Variants in ST8SIA1 observed in about 807,000 individuals in gnomAD.
ST8SIA1 encodes the protein ST8 alpha-N-acetyl-neuraminide alpha-2,8-sialyltransferase 1.
Under a neutral mutation model 35.9 loss-of-function variants are expected in ST8SIA1, and 16 were observed. The observed-to-expected ratio is 0.45, with a 90% CI of 0.30 to 0.68. The LOEUF (loss-of-function observed/expected upper bound fraction) is 0.68. Among genes scored for constraint, ST8SIA1 ranks in the 30% least tolerant of loss-of-function variants. The pLI is 0.09. For missense variants in ST8SIA1, 383 were observed against 453.6 expected (o/e 0.84, Z 1.41); for synonymous variants, 170 against 169.6 (o/e 1.00, Z -0.02).
intron 1 of ST8SIA1, among the ~76,000 whole-genome samples, chr12:22,311,078 A>C (rs1302650684): frequency 2.6e-5 from 4 of 152,228 alleles, no homozygotes. Context: ...GAAGACATGC[A>C]AAACACAAAG....
At chr12:22,308,519 T>C (rs1372527138) in intron 1 of ST8SIA1, among the ~76,000 whole-genome samples, 1 of 152,166 alleles carries the variant, frequency 6.6e-6, no homozygotes. Flanking sequence ...ATTTCTCAAC[T>C]AAATTAAAGA....
intron 3 of ST8SIA1, among the ~76,000 whole-genome samples, chr12:22,255,025 G>T (rs1314340707): frequency 1.3e-5 from 2 of 152,112 alleles, no homozygotes; most frequent in Non-Finnish European, 2.9e-5. Flanking sequence ...ACTTTCCCCT[G>T]CTCCCTTTAT....
intron 1 of ST8SIA1, chr12:22,326,028 T>C (rs1002119056): frequency 6.3e-6 from 3 of 474,230 alleles, no homozygotes; most frequent in Admixed American, 4.0e-5. Flanking sequence ...TTAAAACTTA[T>C]GAATTGTTTA....
At chr12:22,236,513 G>A (rs1412618044) in intron 4 of ST8SIA1, among the ~76,000 whole-genome samples, 2 of 152,142 alleles carry the variant, frequency 1.3e-5, no homozygotes, top group Non-Finnish European at 2.9e-5. Flanking sequence ...TTTAAAAAGA[G>A]GGCTGAGGAG....
intron 4 of ST8SIA1, among the ~76,000 whole-genome samples, chr12:22,243,627 T>C (rs967923817): frequency 1.3e-5 from 2 of 152,236 alleles, no homozygotes; most frequent in African/African-American, 4.8e-5. Flanking sequence ...ATCCCTTCTA[T>C]AAAATGGAAA....
intron 2 of ST8SIA1, among the ~76,000 whole-genome samples, chr12:22,275,488 A>G (rs551516374): frequency 1.5e-4 from 23 of 152,244 alleles, no homozygotes; most frequent in Middle Eastern, 6.8e-3. Flanking sequence ...CCGGGGGCAG[A>G]GGTTGCAGTG....
chr12:22,293,888 C>T (rs1866211117), intron 1 of ST8SIA1, among the ~76,000 whole-genome samples: 1 of 152,098 alleles, frequency 6.6e-6, no homozygotes, highest in Non-Finnish European at 1.5e-5. Context: ...AAGTGAAGAA[C>T]CTAGTAGCCT....
intron 3 of ST8SIA1, among the ~76,000 whole-genome samples, chr12:22,254,293 G>A (rs1865704992): frequency 6.6e-6 from 1 of 151,774 alleles, no homozygotes; most frequent in Non-Finnish European, 1.5e-5. Flanking sequence ...TTGCCCTCCA[G>A]AAAGCCATTC....
intron 2 of ST8SIA1, among the ~76,000 whole-genome samples, chr12:22,275,486 A>G (rs1411856361): frequency 6.6e-6 from 1 of 152,110 alleles, no homozygotes; most frequent in Non-Finnish European, 1.5e-5. Flanking sequence ...CCCCGGGGGC[A>G]GAGGTTGCAG....
rs575844741 is a variant in ST8SIA1, at chr12:22,220,554, T to C, written c.585-18516A>G. On this transcript the variant is annotated intron_variant, in intron 4 of 4. Coordinates refer to ENST00000396037, the MANE Select transcript of ST8SIA1 (RefSeq NM_003034.4). ...TCACATGTGCAAAAGTCTAACTTTT[T>C]TCCCCCTGCAATTGCCTTCATCTTA... 4.6e-5 allele frequency among the ~76,000 whole-genome samples: 7 copies of C among 152,312 alleles called. 1 individual carries two copies. Among genetic ancestry groups the C allele is most frequent in the African/African-American group, 1.4e-4 (6 of 41,570 alleles).
In ST8SIA1 at chr12:22,256,373, G is replaced by A. The variant is rs544053311; in HGVS notation, c.382-984C>T. Among the ~76,000 whole-genome samples, 174 of 152,282 alleles carry A rather than the reference G, an allele frequency of 1.1e-3. 1 individual carries two copies. The highest frequency in any genetic ancestry group is 2.9e-3 in the African/African-American group (120 of 41,548). ...GCAATAGCCCCTGAAAGTGAAATGCGTCATTCGGCCACTTCTAGCTGGGTC... is the reference window on the plus strand; with the variant it reads ...GCAATAGCCCCTGAAAGTGAAATGCATCATTCGGCCACTTCTAGCTGGGTC... On this transcript the variant is annotated intron_variant, in intron 2 of 4. Coordinates refer to ENST00000396037, the MANE Select transcript of ST8SIA1 (RefSeq NM_003034.4).
At chr12:22,320,176 T>C (rs1020484241) in intron 1 of ST8SIA1, among the ~76,000 whole-genome samples, 1 of 152,208 alleles carries the variant, frequency 6.6e-6, no homozygotes, top group Non-Finnish European at 1.5e-5. Context: ...ATAATGCATC[T>C]ATTTAAAGAA....
intron 1 of ST8SIA1, among the ~76,000 whole-genome samples, chr12:22,302,935 T>C (rs564970180): frequency 6.6e-6 from 1 of 152,224 alleles, no homozygotes; most frequent in South Asian, 2.1e-4. Flanking sequence ...ATGTACATCT[T>C]ACATATATCA....
At chr12:22,257,242 C>T (rs1159451696) in intron 2 of ST8SIA1, among the ~76,000 whole-genome samples, 1 of 151,964 alleles carries the variant, frequency 6.6e-6, no homozygotes, top group African/African-American at 2.4e-5. Flanking sequence ...GAGACAGTCT[C>T]GCTTAGTCAC....
chr12:22,321,003 G>GAAAGAAAGAAGA (rs377218947), intron 1 of ST8SIA1, among the ~76,000 whole-genome samples: 21 of 76,638 alleles, frequency 2.7e-4, no homozygotes, highest in Non-Finnish European at 4.5e-4. Context: ...AAGAAAGAAA[G>GAAAGAAAGAAGA]AAGAAAGAAA....
At chr12:22,300,849 A>G (rs1450066324) in intron 1 of ST8SIA1, among the ~76,000 whole-genome samples, 1 of 152,182 alleles carries the variant, frequency 6.6e-6, no homozygotes, top group Non-Finnish European at 1.5e-5. Flanking sequence ...TTAAGATGTT[A>G]GGCTTCCTAA....
rs1302438458 is a variant in ST8SIA1 at position 22,334,312 on chromosome 12, G to A, written c.-80C>T. 4 of 1,124,390 alleles carry A rather than the reference G, an allele frequency of 3.6e-6. No homozygotes were observed. The highest frequency in any genetic ancestry group is 1.4e-5 in the South Asian group (1 of 73,510). 69.7% of individuals were successfully genotyped at this position (1,124,390 alleles called of 1,614,324 possible). Reference sequence around the variant, plus strand: ...AAGTGGCAGCGGAGGGTCCCCCACCGCCAGCCCCCCATGCACACACACCTT... The same window carrying A: ...AAGTGGCAGCGGAGGGTCCCCCACCACCAGCCCCCCATGCACACACACCTT... On this transcript the variant is annotated 5_prime_UTR_variant, in exon 1 of 5. Transcript: ENST00000396037.
At chr12:22,259,352 A>G (rs988656030) in intron 2 of ST8SIA1, among the ~76,000 whole-genome samples, 11 of 152,230 alleles carry the variant, frequency 7.2e-5, no homozygotes, top group South Asian at 2.1e-4. Flanking sequence ...ATTTCAATAA[A>G]TATTTCCTGA....
chr12:22,243,233 T>A (rs1865560077), intron 4 of ST8SIA1, among the ~76,000 whole-genome samples: 1 of 152,192 alleles, frequency 6.6e-6, no homozygotes, highest in South Asian at 2.1e-4. Flanking sequence ...AATCAAGGTT[T>A]TGGAGACAGC....
Sources: allele counts gnomAD v4.1 joint callset (sites outside exome capture counted in the v4.1 genomes callset), GRCh38; gene constraint gnomAD v4.1.1; transcripts MANE v1.5; gene names NCBI Gene and HGNC (gene_info 2026-07-23, HGNC 2026-07-21).